Variants in IL1RAPL2 observed in about 807,000 individuals in gnomAD.
IL1RAPL2 encodes X-linked interleukin-1 receptor accessory protein-like 2.
Under a neutral mutation model 44.1 loss-of-function variants are expected in IL1RAPL2, and 3 were observed. The ratio of observed to expected loss-of-function variants is 0.07; its 90% CI spans 0.03 to 0.18. IL1RAPL2 has a LOEUF of 0.18. Ranked by LOEUF, IL1RAPL2 falls within the 10% of genes least tolerant of loss-of-function variation. The pLI is 1.00. For synonymous variants in IL1RAPL2, 181 were observed against 178.8 expected (o/e 1.01, Z -0.10); for missense variants, 391 against 496.4 (o/e 0.79, Z 2.02).
chrX:105,715,829 A>G (rs2038252436), intron 6 of IL1RAPL2, among the ~76,000 whole-genome samples: 1 of 111,765 alleles, frequency 8.9e-6, no homozygotes, highest in Non-Finnish European at 1.9e-5. Context: ...CTCCAGGGCC[A>G]TAGCTATGAA....
intron 5 of IL1RAPL2, among the ~76,000 whole-genome samples, chrX:105,304,591 G>A (rs752080399): frequency 8.9e-6 from 1 of 111,876 alleles, no homozygotes; most frequent in East Asian, 2.8e-4. Context: ...CCTACCTATA[G>A]AAACAAGGGC....
intron 5 of IL1RAPL2, among the ~76,000 whole-genome samples, chrX:105,299,099 A>C (rs1273055449): frequency 8.9e-6 from 1 of 111,893 alleles, no homozygotes; most frequent in Non-Finnish European, 1.9e-5. Context: ...GGAATCAAAT[A>C]AGCTTTTTTG....
At chrX:105,638,725 A>G (rs2037542792) in intron 6 of IL1RAPL2, among the ~76,000 whole-genome samples, 1 of 112,435 alleles carries the variant, frequency 8.9e-6, no homozygotes. Flanking sequence ...GAAAAAAATG[A>G]AAGAATTTCA....
intron 6 of IL1RAPL2, among the ~76,000 whole-genome samples, chrX:105,587,179 C>G (rs766211054): frequency 2.7e-5 from 3 of 111,548 alleles, no homozygotes; most frequent in Admixed American, 9.5e-5. Flanking sequence ...GTCCTGTATT[C>G]CTTCTTGAAT....
chrX:105,060,782 G>T (rs909511032), intron 2 of IL1RAPL2, among the ~76,000 whole-genome samples: 3 of 109,289 alleles, frequency 2.7e-5, no homozygotes, highest in African/African-American at 9.9e-5. Flanking sequence ...TTGGTAGGTT[G>T]TATGTGTCTA....
intron 5 of IL1RAPL2, among the ~76,000 whole-genome samples, chrX:105,371,501 AC>A (rs1367780955): frequency 3.6e-5 from 4 of 111,540 alleles, no homozygotes. Context: ...AAAGTAAGGA[AC>A]AAAAAATTAC....
At chrX:104,791,162 T>C (rs1932823821) in intron 2 of IL1RAPL2, among the ~76,000 whole-genome samples, 2 of 109,357 alleles carry the variant, frequency 1.8e-5, no homozygotes, top group Admixed American at 2.0e-4. Context: ...TCCCTCTGCC[T>C]TGCCTGCCCT....
At chrX:104,905,284 C>T (rs1181332365) in intron 2 of IL1RAPL2, among the ~76,000 whole-genome samples, 3 of 111,580 alleles carry the variant, frequency 2.7e-5, no homozygotes, top group African/African-American at 6.5e-5. Context: ...GTTTCTTTTG[C>T]TGTGCAGAAG....
chrX:105,379,388 AGTCTGTTTCC>A (rs1409740802), intron 5 of IL1RAPL2, among the ~76,000 whole-genome samples: 1 of 112,012 alleles, frequency 8.9e-6, no homozygotes, highest in Non-Finnish European at 1.9e-5. Flanking sequence ...GATTTTTATC[AGTCTGTTTCC>A]GAACTAGCCA....
At chrX:105,607,190 AT>A (rs2037299789) in intron 6 of IL1RAPL2, among the ~76,000 whole-genome samples, 1 of 110,875 alleles carries the variant, frequency 9.0e-6, no homozygotes, top group Admixed American at 9.6e-5. Flanking sequence ...AGTGATCAAT[AT>A]TTTTATTGAA....
At chrX:105,177,360 A>G (rs749842968) in intron 2 of IL1RAPL2, among the ~76,000 whole-genome samples, 7 of 110,741 alleles carry the variant, frequency 6.3e-5, no homozygotes, top group Admixed American at 9.7e-5. Flanking sequence ...AAACAAGCTC[A>G]GGTCCCACTG....
chrX:104,691,742 C>T (rs1337714587), intron 2 of IL1RAPL2, among the ~76,000 whole-genome samples: 1 of 111,782 alleles, frequency 8.9e-6, no homozygotes, highest in East Asian at 2.8e-4. Context: ...AACAAGGACG[C>T]TACTGCTATG....
intron 2 of IL1RAPL2, among the ~76,000 whole-genome samples, chrX:104,997,721 A>G: frequency 8.9e-6 from 1 of 111,968 alleles, no homozygotes; most frequent in Middle Eastern, 4.7e-3. Flanking sequence ...TAAGAAGATG[A>G]GGAAAAAAGT....
chrX:104,977,827 T>A (rs1353406848), intron 2 of IL1RAPL2, among the ~76,000 whole-genome samples: 1 of 112,377 alleles, frequency 8.9e-6, no homozygotes, highest in African/African-American at 3.2e-5. Flanking sequence ...TGCAGTTATA[T>A]CTATATCCAC....
At chrX:104,589,218 C>T (rs977732028) in intron 1 of IL1RAPL2, among the ~76,000 whole-genome samples, 2 of 111,753 alleles carry the variant, frequency 1.8e-5, no homozygotes, top group African/African-American at 3.3e-5. Flanking sequence ...AGTATTAACT[C>T]ACATGATCAC....
At chrX:104,803,117 A>G (rs181947441) in intron 2 of IL1RAPL2, among the ~76,000 whole-genome samples, 18 of 111,790 alleles carry the variant, frequency 1.6e-4, no homozygotes, top group African/African-American at 5.5e-4. Context: ...AGAATAATCG[A>G]GGTGATGGAT....
intron 2 of IL1RAPL2, among the ~76,000 whole-genome samples, chrX:104,784,930 A>G (rs941221458): frequency 2.7e-5 from 3 of 111,067 alleles, no homozygotes; most frequent in African/African-American, 6.5e-5. Context: ...TATGTTGACA[A>G]ATCAGCTTAT....
intron 5 of IL1RAPL2, among the ~76,000 whole-genome samples, chrX:105,450,942 G>GTGTGTGT (rs1569442753): frequency 9.2e-6 from 1 of 108,810 alleles, no homozygotes; most frequent in African/African-American, 3.4e-5. Context: ...GTGTGTGTGT[G>GTGTGTGT]GTTTACTGCT....
At chrX:105,084,752 A>T (rs2032458682) in intron 2 of IL1RAPL2, among the ~76,000 whole-genome samples, 1 of 111,461 alleles carries the variant, frequency 9.0e-6, no homozygotes, top group Non-Finnish European at 1.9e-5. Context: ...TGAAATATAA[A>T]AAGTACATGA....
Sources: gnomAD v4.1 joint callset for allele counts (sites outside exome capture counted in the v4.1 genomes callset) on GRCh38, gnomAD v4.1.1 for gene constraint, MANE v1.5 for transcripts, NCBI Gene and HGNC (gene_info 2026-07-23, HGNC 2026-07-21) for gene names.